The following LCN10 variants were observed in gnomAD, a reference collection of about 807,000 sequenced individuals.
LCN10 encodes lipocalin 10, also known as epididymal-specific lipocalin-10.
Under a neutral mutation model 25.1 loss-of-function variants are expected in LCN10, and 18 were observed. That is an observed-to-expected ratio of 0.72 (90% CI 0.50 to 1.06). The LOEUF (loss-of-function observed/expected upper bound fraction) is 1.06, where lower values mean the gene tolerates loss of function less well. Ranked by LOEUF, LCN10 falls within the 50% of genes least tolerant of loss-of-function variation. The pLI is 0.00. For synonymous variants in LCN10, 130 were observed against 116.7 expected, an observed-to-expected ratio of 1.11 and a Z score of -0.73; for missense variants, 257 against 258.9, an observed-to-expected ratio of 0.99 and a Z score of 0.05.
chr9:136,739,970 G>A lies in LCN10; in HGVS notation c.554C>T (p.Ala185Val). The stretch of plus-strand genomic sequence containing the variant: ...CTTACCGTCTTTCGGGAGGATGACG[G>A]CGGCCTTGGAGAGCCCCAGAATGTC... ...ACDILGLSKA[A>V]VILPKDASRT... The change falls in exon 5 of 6, where the codon GCC becomes GTC. Residue 185 changes from alanine (A) to valine (V), a missense_variant. By Grantham distance (64) the Ala-to-Val change is moderately conservative. Transcript: ENST00000497771. The surrounding 1 kb of genome is among the most constrained non-coding windows in gnomAD (Gnocchi z 6.1). 1.3e-6 allele frequency: 2 copies of A among 1,591,232 alleles called. No individual in the cohort carries two copies. Among genetic ancestry groups the A allele is most frequent in the East Asian group, 2.3e-5 (1 of 43,774 alleles).
chr9:136,740,775 C>T lies in LCN10; in HGVS notation c.475+61G>A, dbSNP rs1035517656. ...CTGCCCGGCCCCCTGTGCCCAGCGC[C>T]CCTCTATGCCTCCCTCTGCACCCCC... On this transcript the variant is annotated intron_variant, in intron 4 of 5. Coordinates refer to ENST00000497771, the MANE Select transcript of LCN10 (RefSeq NM_001001712.3). This position sits in a 1 kb window ranked among gnomAD's most constrained non-coding sequence, Gnocchi z 5.3. 2.9e-6 allele frequency: 4 copies of T among 1,373,864 alleles called. No homozygotes were observed. Among genetic ancestry groups the T allele is most frequent in the Non-Finnish European group, 4.0e-6 (4 of 993,676 alleles). The allele number at this position is 1,373,864 out of a possible 1,614,324, so 85.1% of individuals were successfully genotyped here. A position where few individuals can be genotyped will look rare whatever the true frequency, so the allele number is the denominator to read the frequency against.
rs893076582 is a variant in LCN10, at chr9:136,740,410, C to T, written c.476-362G>A. Reference sequence around the variant, plus strand: ...TCCAACCGGGAGGGCCACTCCTTTCCGTGTACCCCAAGTGGTTGGTGTCTA... The same window carrying T: ...TCCAACCGGGAGGGCCACTCCTTTCTGTGTACCCCAAGTGGTTGGTGTCTA... On this transcript the variant is annotated intron_variant, in intron 4 of 5. Coordinates refer to ENST00000497771, the MANE Select transcript of LCN10 (RefSeq NM_001001712.3). The surrounding 1 kb of genome is among the most constrained non-coding windows in gnomAD (Gnocchi z 5.3). 9.3e-6 allele frequency: 4 copies of T among 431,864 alleles called. No individual in the cohort carries two copies. Among genetic ancestry groups the T allele is most frequent in the East Asian group, 4.4e-5 (1 of 22,844 alleles). 26.8% of individuals were successfully genotyped at this position (431,864 alleles called of 1,614,324 possible).
Position 136,741,240 on chromosome 9 carries a change from G to A in LCN10, c.367+12C>T, listed in dbSNP as rs1846926431. On this transcript the variant is annotated intron_variant, in intron 3 of 5. Coordinates refer to ENST00000497771, the MANE Select transcript of LCN10 (RefSeq NM_001001712.3). Reference sequence around the variant, plus strand: ...TCACGCAGCTCCTCCAGGGCCCAGAGCCCAAGCACACCTCCCTCCTGTCCT... The same window carrying A: ...TCACGCAGCTCCTCCAGGGCCCAGAACCCAAGCACACCTCCCTCCTGTCCT... 6.2e-7 allele frequency: 1 copy of A among 1,610,676 alleles called. No individual in the cohort carries two copies. The highest frequency in any genetic ancestry group is 1.1e-5 in the South Asian group (1 of 90,998).
Position 136,740,629 on chromosome 9 carries a change from T to C in LCN10, c.475+207A>G, listed in dbSNP as rs1846911125. On this transcript the variant is annotated intron_variant, in intron 4 of 5. Transcript: ENST00000497771. This position sits in a 1 kb window ranked among gnomAD's most constrained non-coding sequence, Gnocchi z 5.3. Reference sequence around the variant, plus strand: ...ATGGCCCACCTTTCTCTGCAGCCTCTTCCTGACGTCCCCTATCCTTGCTTC... The same window carrying C: ...ATGGCCCACCTTTCTCTGCAGCCTCCTCCTGACGTCCCCTATCCTTGCTTC... The C allele has an allele frequency of 1.8e-6, 1 of 565,896 alleles. No individual in the cohort carries two copies. The highest frequency in any genetic ancestry group is 3.1e-6 in the Non-Finnish European group (1 of 318,182). The allele number at this position is 565,896 out of a possible 1,614,324, so 35.1% of individuals were successfully genotyped here.
In LCN10 at chr9:136,740,464, C is replaced by A. The variant is rs1002591583; in HGVS notation, c.475+372G>T. On this transcript the variant is annotated intron_variant, in intron 4 of 5. Coordinates refer to ENST00000497771, the MANE Select transcript of LCN10 (RefSeq NM_001001712.3). The surrounding 1 kb of genome is among the most constrained non-coding windows in gnomAD (Gnocchi z 5.3). ...TTGGGTTTGTGGCCCTTAACCCACA[C>A]TGGGTCACTTCCACACCCCTCCATC... The A allele has an allele frequency of 1.8e-5, 8 of 436,808 alleles. No homozygotes were observed. The highest frequency in any genetic ancestry group is 7.0e-5 in the Admixed American group (2 of 28,526). 27.1% of individuals were successfully genotyped at this position (436,808 alleles called of 1,614,324 possible).
In LCN10 at chr9:136,740,173, G is replaced by C; in HGVS notation, c.476-125C>G. 1.3e-6 allele frequency: 1 copy of C among 745,408 alleles called. No individual in the cohort carries two copies. The highest frequency in any genetic ancestry group is 2.4e-6 in the Non-Finnish European group (1 of 423,874). 46.2% of individuals were successfully genotyped at this position (745,408 alleles called of 1,614,324 possible). ...CTCAGAGCTTAGGCGTGAAGCAGGG[G>C]TTGGCCAGGGGAGGACAGCGGCCGC... On this transcript the variant is annotated intron_variant, in intron 4 of 5. Transcript: ENST00000497771. This position sits in a 1 kb window ranked among gnomAD's most constrained non-coding sequence, Gnocchi z 5.3.
At chr9:136,742,068 GT>G in intron 1 of LCN10, 48 bp from the exon 2 acceptor site, 1 of 1,605,432 alleles carries the variant, frequency 6.2e-7, no homozygotes, top group Non-Finnish European at 8.5e-7. Context: ...ACCGGGGGCT[GT>G]CCCCACCCCC....
chr9:136,739,765 G>T lies in LCN10; in HGVS notation c.574+185C>A, dbSNP rs1042587033. 2.7e-6 allele frequency: 2 copies of T among 734,446 alleles called. No individual in the cohort carries two copies. The highest frequency in any genetic ancestry group is 2.2e-5 in the Admixed American group (1 of 46,510). 45.5% of individuals were successfully genotyped at this position (734,446 alleles called of 1,614,324 possible). A position where few individuals can be genotyped will look rare whatever the true frequency, so the allele number is the denominator to read the frequency against. ...GCTCCGGACGCCTCTCGCTGTCGGT[G>T]CCAGGCCTGCCAGGCCAAGCCCCGA... On this transcript the variant is annotated intron_variant, in intron 5 of 5. Transcript: ENST00000497771. The surrounding 1 kb of genome is among the most constrained non-coding windows in gnomAD (Gnocchi z 6.1).
intron 2 of LCN10, 41 bp from the exon 3 acceptor site, chr9:136,741,402 C>T: frequency 6.2e-6 from 9 of 1,463,178 alleles, no homozygotes; most frequent in Non-Finnish European, 7.5e-6. Context: ...ACCAGGGAAC[C>T]CCTCCTCCCG....
intron 1 of LCN10, 80 bp downstream of exon 1, chr9:136,742,707 G>T (rs574921181): frequency 1.3e-6 from 2 of 1,516,004 alleles, no homozygotes; most frequent in South Asian, 1.2e-5. Flanking sequence ...GCTCCTGGGC[G>T]GCTGCCGGGA....
At position 136,739,987 on chromosome 9, in the gene LCN10, C is replaced by A. The variant is rs1245428627; in HGVS notation, c.537G>T (p.Leu179=). The change falls in exon 5 of 6, where the codon CTG becomes CTT. Residue 179 remains leucine, a synonymous_variant. Coordinates refer to ENST00000497771, the MANE Select transcript of LCN10 (RefSeq NM_001001712.3). The surrounding 1 kb of genome is among the most constrained non-coding windows in gnomAD (Gnocchi z 6.1). ...LKEFMDACDI[L]GLSKAAVILP... Reference sequence around the variant, plus strand: ...GGATGACGGCGGCCTTGGAGAGCCCCAGAATGTCACAAGCGTCCATGAATT... The same window carrying A: ...GGATGACGGCGGCCTTGGAGAGCCCAAGAATGTCACAAGCGTCCATGAATT... 5 of 1,592,538 alleles carry A rather than the reference C, an allele frequency of 3.1e-6. No individual in the cohort carries two copies. The African/African-American group carries it at 4.0e-5, about 13-fold the overall frequency.
Position 136,739,155 on chromosome 9 carries a change from A to T in LCN10, c.*370T>A, listed in dbSNP as rs888244269. On this transcript the variant is annotated 3_prime_UTR_variant, in exon 6 of 6. Coordinates refer to ENST00000497771, the MANE Select transcript of LCN10 (RefSeq NM_001001712.3). The surrounding 1 kb of genome is among the most constrained non-coding windows in gnomAD (Gnocchi z 6.1). ...GAACGGCTTCCTGAGAAAGTGCAGGATGTAAAGGAACGCGGAGGGTGGCGG... is the reference window on the plus strand; with the variant it reads ...GAACGGCTTCCTGAGAAAGTGCAGGTTGTAAAGGAACGCGGAGGGTGGCGG... 1.3e-4 allele frequency: 35 copies of T among 266,898 alleles called. No homozygotes were observed. The highest frequency in any genetic ancestry group is 7.3e-4 in the African/African-American group (33 of 45,008). The allele number at this position is 266,898 out of a possible 1,614,324, so 16.5% of individuals were successfully genotyped here. A position where few individuals can be genotyped will look rare whatever the true frequency, so the allele number is the denominator to read the frequency against.
At position 136,741,782 on chromosome 9, in the gene LCN10, T is replaced by C; in HGVS notation, c.257+99A>G. 3 of 1,442,370 alleles carry C rather than the reference T, an allele frequency of 2.1e-6. No individual in the cohort carries two copies. The Admixed American group carries it at 7.1e-5, about 34-fold the overall frequency. The allele number at this position is 1,442,370 out of a possible 1,614,324, so 89.3% of individuals were successfully genotyped here. A position where few individuals can be genotyped will look rare whatever the true frequency, so the allele number is the denominator to read the frequency against. On this transcript the variant is annotated intron_variant, in intron 2 of 5. Coordinates refer to ENST00000497771, the MANE Select transcript of LCN10 (RefSeq NM_001001712.3). ...GTGGGGGGACGGTTCTTGTGGAACT[T>C]CCAGACAGACAGGCTCCTCCCAGAC...
chr9:136,741,848 G>A (rs1242776469), intron 2 of LCN10, 33 bp downstream of exon 2: 5 of 1,577,690 alleles, frequency 3.2e-6, no homozygotes, highest in South Asian at 2.3e-5. Context: ...CCTGGAAGGG[G>A]AGACCCTTGC....
chr9:136,742,755 C>A lies in LCN10; in HGVS notation c.117+32G>T, dbSNP rs771771769. ...GCCTGCTCCAGCTCCAGAGCCGGCG[C>A]CCGGCTCAGGGACCAGTGGCACATG... On this transcript the variant is annotated intron_variant, in intron 1 of 5. Transcript: ENST00000497771. The A allele has an allele frequency of 9.3e-6, 15 of 1,610,316 alleles. 1 individual carries two copies. In the East Asian group the frequency reaches 2.7e-4, roughly 29 times the overall value.
Position 136,739,803 on chromosome 9 carries a change from G to T in LCN10, c.574+147C>A. 2 of 816,296 alleles carry T rather than the reference G, an allele frequency of 2.5e-6. No individual in the cohort carries two copies. Among genetic ancestry groups the T allele is most frequent in the Non-Finnish European group, 4.1e-6 (2 of 489,148 alleles). The allele number at this position is 816,296 out of a possible 1,614,324, so 50.6% of individuals were successfully genotyped here. Reference sequence around the variant, plus strand: ...GGCCAAGCCCCGATTCTCAGGGGCGGCAGGAGGTGGGAGGCACGTTTGGGC... The same window carrying T: ...GGCCAAGCCCCGATTCTCAGGGGCGTCAGGAGGTGGGAGGCACGTTTGGGC... On this transcript the variant is annotated intron_variant, in intron 5 of 5. Transcript: ENST00000497771. This position sits in a 1 kb window ranked among gnomAD's most constrained non-coding sequence, Gnocchi z 6.1.
In LCN10 at chr9:136,738,598, T is replaced by C. The variant is rs1332116613; in HGVS notation, c.*927A>G. On this transcript the variant is annotated 3_prime_UTR_variant, in exon 6 of 6. Transcript: ENST00000497771. ...CAACCTCCCGTCATCACCCCTTGAG[T>C]GAGACCTAAGCCTTCACCGCAGCCT... 6.6e-6 allele frequency: 1 copy of C among 152,184 alleles called. No individual in the cohort carries two copies. The highest frequency in any genetic ancestry group is 2.4e-5 in the African/African-American group (1 of 41,424). The allele number at this position is 152,184 out of a possible 1,614,324, so 9.4% of individuals were successfully genotyped here.
intron 1 of LCN10, 179 bp downstream of exon 1, chr9:136,742,608 G>A: frequency 1.4e-6 from 1 of 706,642 alleles, no homozygotes; most frequent in Non-Finnish European, 2.2e-6. Flanking sequence ...CCCTGCCTTT[G>A]CCCTGCAACT....
chr9:136,739,562 G>A lies in LCN10; in HGVS notation c.575-9C>T. 1 of 1,598,550 alleles carries A rather than the reference G, an allele frequency of 6.3e-7. No homozygotes were observed. The highest frequency in any genetic ancestry group is 8.5e-7 in the Non-Finnish European group (1 of 1,173,410). ...GGTGTGTGTACGGGACGCTGTGGGAGAGGAAAACAGCCACATGTGGGCTGG... is the reference window on the plus strand; with the variant it reads ...GGTGTGTGTACGGGACGCTGTGGGAAAGGAAAACAGCCACATGTGGGCTGG... On this transcript the variant is annotated splice_polypyrimidine_tract_variant and intron_variant, in intron 5 of 5. Transcript: ENST00000497771. The surrounding 1 kb of genome is among the most constrained non-coding windows in gnomAD (Gnocchi z 6.1).
Sources: allele counts gnomAD v4.1 joint callset, GRCh38; gene constraint gnomAD v4.1.1; non-coding constraint Gnocchi (gnomAD v3.1); transcripts MANE v1.5; gene names NCBI Gene and HGNC (gene_info 2026-07-23, HGNC 2026-07-21).